The following OR4N2 variants were observed in gnomAD, a reference collection of about 807,000 sequenced individuals.
OR4N2 encodes the protein olfactory receptor 4N2.
For missense variants in OR4N2, 307 were observed against 377.6 expected, an observed-to-expected ratio of 0.81 and a Z score of 1.55; for synonymous variants, 141 against 140.4, an observed-to-expected ratio of 1.00 and a Z score of -0.03.
chr14:19,809,683 C>A (rs1879250152), intron 1 of OR4N2, among the ~76,000 whole-genome samples: 1 of 152,172 alleles, frequency 6.6e-6, no homozygotes, highest in South Asian at 2.1e-4. Context: ...AATGAGAGGC[C>A]AGAAATAGTG....
chr14:19,811,902 C>T (rs1340052557), intron 1 of OR4N2, among the ~76,000 whole-genome samples: 1 of 152,248 alleles, frequency 6.6e-6, no homozygotes, highest in African/African-American at 2.4e-5. Context: ...TGCAAGTATA[C>T]ATGCTCTCAC....
chr14:19,807,503 AAC>A (rs3078156), intron 1 of OR4N2, among the ~76,000 whole-genome samples: 23 of 152,078 alleles, frequency 1.5e-4, no homozygotes, highest in African/African-American at 5.6e-4. Context: ...AATTCATGGA[AAC>A]ACACAATCTC....
chr14:19,810,344 G>A (rs1038799307), intron 1 of OR4N2, among the ~76,000 whole-genome samples: 1 of 152,296 alleles, frequency 6.6e-6, no homozygotes, highest in Admixed American at 6.5e-5. Context: ...AAAATAACAT[G>A]CTAGTGAGGT....
intron 1 of OR4N2, among the ~76,000 whole-genome samples, chr14:19,816,029 A>C (rs1309828042): frequency 6.6e-6 from 1 of 152,142 alleles, no homozygotes; most frequent in African/African-American, 2.4e-5. Flanking sequence ...CATTATTTCT[A>C]AGGCCTCTTT....
intron 1 of OR4N2, among the ~76,000 whole-genome samples, chr14:19,807,092 G>GATA (rs35043590): frequency 0.33 from 49,420 of 148,078 alleles, 4,068 homozygotes; most frequent in Middle Eastern, 0.43. Flanking sequence ...AAGTAAATAA[G>GATA]ATAAGAGGAA....
Position 19,810,647 on chromosome 14 carries a change from CAAT to C in OR4N2, c.-10+6804_-10+6806del, listed in dbSNP as rs549807350. Among the ~76,000 whole-genome samples, 21 of 152,236 alleles carry C rather than the reference CAAT, an allele frequency of 1.4e-4. No homozygotes were observed. The South Asian group carries it at 4.4e-3, about 32-fold the overall frequency. ...ATGGAATACTATGTAGCCATAAAAA[CAAT>C]GAGATCATGTCCTTTGCAAGAAAGA... On this transcript the variant is annotated intron_variant, in intron 1 of 1. Transcript: ENST00000557677.
At position 19,827,811 on chromosome 14, in the gene OR4N2, C is replaced by T. The variant is rs766693982; in HGVS notation, c.363C>T (p.Asp121=). Residue 121 remains aspartate (D), a synonymous_variant, in exon 2 of 2, where the codon GAC becomes GAT. Coordinates refer to ENST00000557677, the MANE Select transcript of OR4N2 (RefSeq NM_001004723.3). The part of the protein sequence containing the change: ...EGLLLVVMAF[D]RYIAICRPLH... ...TACTCCTTGTTGTGATGGCCTTTGACCGCTACATCGCCATCTGCCGGCCTC... is the reference window on the plus strand; with the variant it reads ...TACTCCTTGTTGTGATGGCCTTTGATCGCTACATCGCCATCTGCCGGCCTC... 1.9e-6 allele frequency: 3 copies of T among 1,614,254 alleles called. No individual in the cohort carries two copies. Among genetic ancestry groups the T allele is most frequent in the Non-Finnish European group, 2.5e-6 (3 of 1,180,036 alleles).
At chr14:19,805,299 A>G (rs147975185) in intron 1 of OR4N2, among the ~76,000 whole-genome samples, 1,761 of 152,074 alleles carry the variant, frequency 0.012, 10 homozygotes, top group Non-Finnish European at 0.017. Context: ...GATGTCATGG[A>G]AGCTCATTGA....
At chr14:19,816,351 CATTT>C (rs1282821082) in intron 1 of OR4N2, among the ~76,000 whole-genome samples, 3 of 152,160 alleles carry the variant, frequency 2.0e-5, no homozygotes, top group African/African-American at 7.2e-5. Context: ...TTTTTCCATT[CATTT>C]GTGTCCTCTC....
intron 1 of OR4N2, among the ~76,000 whole-genome samples, chr14:19,823,725 A>G (rs770639127): frequency 2.9e-4 from 44 of 152,224 alleles, no homozygotes; most frequent in Non-Finnish European, 1.2e-4. Context: ...AACAAAATAA[A>G]TAGAGCCAGA....
At chr14:19,824,637 T>G (rs4257137) in intron 1 of OR4N2, among the ~76,000 whole-genome samples, 42,267 of 148,664 alleles carry the variant, frequency 0.28, 3,028 homozygotes, top group African/African-American at 0.33. Context: ...ACAGAAAAAC[T>G]AACCCTTCCT....
chr14:19,820,522 T>G (rs918319484), intron 1 of OR4N2, among the ~76,000 whole-genome samples: 1 of 152,248 alleles, frequency 6.6e-6, no homozygotes, highest in East Asian at 1.9e-4. Context: ...GCTGAAGCTG[T>G]GCCCACAGCC....
At chr14:19,817,457 A>G (rs1323567651) in intron 1 of OR4N2, among the ~76,000 whole-genome samples, 1 of 152,180 alleles carries the variant, frequency 6.6e-6, no homozygotes, top group Non-Finnish European at 1.5e-5. Flanking sequence ...CATTTCTTGT[A>G]GATTTTCTAG....
At chr14:19,810,711 A>G (rs1270559588) in intron 1 of OR4N2, among the ~76,000 whole-genome samples, 2 of 152,248 alleles carry the variant, frequency 1.3e-5, no homozygotes, top group African/African-American at 4.8e-5. Context: ...ATGAAATATA[A>G]AGTAGACAAA....
intron 1 of OR4N2, among the ~76,000 whole-genome samples, chr14:19,807,747 C>T (rs547557962): frequency 2.6e-4 from 39 of 152,280 alleles, no homozygotes; most frequent in Middle Eastern, 3.4e-3. Context: ...AAGCCAGTAT[C>T]ATCCTGATAC....
chr14:19,809,277 T>A (rs1448322835), intron 1 of OR4N2, among the ~76,000 whole-genome samples: 1 of 152,208 alleles, frequency 6.6e-6, no homozygotes, highest in East Asian at 1.9e-4. Flanking sequence ...TAGGAAATAC[T>A]CTTCTCAGCC....
At chr14:19,815,658 T>G (rs1342708862) in intron 1 of OR4N2, among the ~76,000 whole-genome samples, 18 of 58,060 alleles carry the variant, frequency 3.1e-4, no homozygotes, top group African/African-American at 7.2e-4. Context: ...TTTTTTTGTT[T>G]TTTTTTTTTT....
chr14:19,822,028 G>A (rs866733229), intron 1 of OR4N2: 1 of 152,208 alleles, frequency 6.6e-6, no homozygotes, highest in Non-Finnish European at 1.5e-5. Context: ...AAGAAGAAAG[G>A]GACAATAGAA....
chr14:19,815,020 C>T (rs1594396519), intron 1 of OR4N2, among the ~76,000 whole-genome samples: 1 of 152,238 alleles, frequency 6.6e-6, no homozygotes, highest in Non-Finnish European at 1.5e-5. Flanking sequence ...TTTATGGCTG[C>T]ATAGTATTCC....
Sources: gnomAD v4.1 joint callset for allele counts (sites outside exome capture counted in the v4.1 genomes callset) on GRCh38, gnomAD v4.1.1 for gene constraint, MANE v1.5 for transcripts, NCBI Gene and HGNC (gene_info 2026-07-23, HGNC 2026-07-21) for gene names.